The following TRAPPC10 variants were observed in gnomAD, a reference collection of about 807,000 sequenced individuals.
TRAPPC10 encodes the protein TRAPP 130 kDa subunit.
A neutral mutation model predicts 125.5 loss-of-function variants in TRAPPC10; 23 were observed. The observed-to-expected ratio is 0.18, with a 90% CI of 0.13 to 0.26. TRAPPC10 has a LOEUF of 0.26. Among genes scored for constraint, TRAPPC10 ranks in the 10% least tolerant of loss-of-function variants. TRAPPC10 has a pLI of 1.00. For synonymous variants in TRAPPC10, 509 were observed against 518.0 expected (o/e 0.98, Z 0.24); for missense variants, 1,123 against 1,308.4 (o/e 0.86, Z 2.19).
chr21:44,045,195 A>G (rs1363864804), intron 3 of TRAPPC10, among the ~76,000 whole-genome samples: 1 of 152,024 alleles, frequency 6.6e-6, no homozygotes, highest in Admixed American at 6.6e-5. Flanking sequence ...TGCCTCCCAA[A>G]GTGCTTGGAT....
intron 3 of TRAPPC10, chr21:44,046,820 T>C (rs2034853771): frequency 1.6e-6 from 1 of 614,606 alleles, no homozygotes; most frequent in Admixed American, 2.3e-5. Flanking sequence ...CTTTAAGTCT[T>C]TTGATGCATT....
At position 44,091,928 on chromosome 21, in the gene TRAPPC10, A is replaced by G. The variant is rs1219205204; in HGVS notation, c.2876A>G (p.Tyr959Cys). 1.2e-6 allele frequency: 2 copies of G among 1,613,760 alleles called. No individual in the cohort carries two copies. The highest frequency in any genetic ancestry group is 1.7e-6 in the Non-Finnish European group (2 of 1,179,886). ...TTTTTGTTTTTCCACTTTAGGAAATATGTTCAAGTTTGTGTCCAGAATTTG... is the reference window on the plus strand; with the variant it reads ...TTTTTGTTTTTCCACTTTAGGAAATGTGTTCAAGTTTGTGTCCAGAATTTG... The part of the protein sequence containing the change: ...HSLLSSGTRK[Y>C]VQVCVQNLSE... Residue 959 changes from tyrosine (Y) to cysteine (C), a missense_variant, in exon 19 of 23, where the codon TAT becomes TGT. This residue lies in a region of TRAPPC10 where 840 missense variants were observed against 902.0 expected (regional missense o/e 0.93). Coordinates refer to ENST00000291574, the MANE Select transcript of TRAPPC10 (RefSeq NM_003274.5).
intron 17 of TRAPPC10, 151 bp from the exon 18 acceptor site, chr21:44,089,682 A>G: frequency 1.5e-6 from 1 of 659,838 alleles, no homozygotes; most frequent in South Asian, 1.6e-5. Context: ...TGTGTTGGGT[A>G]AGGCTTTGCT....
chr21:44,046,499 C>T (rs1390838970), intron 3 of TRAPPC10: 1 of 219,868 alleles, frequency 4.5e-6, no homozygotes. Context: ...ACACGCTTTA[C>T]CTTTAAGTTT....
Position 44,032,128 on chromosome 21 carries a change from A to G in TRAPPC10, c.105A>G (p.Pro35=), listed in dbSNP as rs1291969481. The change falls in exon 2 of 23, where the codon CCA becomes CCG. Residue 35 remains proline, a synonymous_variant. Coordinates refer to ENST00000291574, the MANE Select transcript of TRAPPC10 (RefSeq NM_003274.5). ...GDQNLFTSVY[P]TLSQQLPREP... ...AGAATTTATTTACCTCTGTTTATCC[A>G]ACGCTCTCTCAGCAGCTTCCAAGAG... 5.0e-6 allele frequency: 8 copies of G among 1,613,910 alleles called. No homozygotes were observed. The highest frequency in any genetic ancestry group is 3.3e-5 in the Admixed American group (2 of 59,978).
At chr21:44,064,242 C>A (rs528046479) in intron 7 of TRAPPC10, among the ~76,000 whole-genome samples, 2 of 152,184 alleles carry the variant, frequency 1.3e-5, no homozygotes, top group African/African-American at 4.8e-5. Context: ...GTGAGTGACA[C>A]ACAGCAGGCT....
At chr21:44,056,496 G>A (rs1192789360) in intron 5 of TRAPPC10, among the ~76,000 whole-genome samples, 1 of 152,182 alleles carries the variant, frequency 6.6e-6, no homozygotes, top group Non-Finnish European at 1.5e-5. Context: ...CATACCACCT[G>A]AATGAAATGA....
At chr21:44,064,696 CT>C (rs1197957887) in intron 7 of TRAPPC10, among the ~76,000 whole-genome samples, 1 of 152,028 alleles carries the variant, frequency 6.6e-6, no homozygotes, top group African/African-American at 2.4e-5. Flanking sequence ...AATATAGGAA[CT>C]TATTTTTGTG....
chr21:44,079,399 T>C, intron 11 of TRAPPC10, 165 bp from the exon 12 acceptor site: 1 of 652,742 alleles, frequency 1.5e-6, no homozygotes, highest in Non-Finnish European at 2.5e-6. Flanking sequence ...CCTGAGTAGG[T>C]ACTCTTTCTC....
chr21:44,092,176 T>C (rs2038630662), intron 19 of TRAPPC10, 127 bp downstream of exon 19: 5 of 1,223,574 alleles, frequency 4.1e-6, no homozygotes, highest in Non-Finnish European at 5.6e-6. Context: ...TAAAGGCTCC[T>C]GTGCAGCTCC....
At chr21:44,085,272 A>G (rs1374062489) in intron 15 of TRAPPC10, among the ~76,000 whole-genome samples, 1 of 152,058 alleles carries the variant, frequency 6.6e-6, no homozygotes, top group Non-Finnish European at 1.5e-5. Flanking sequence ...TTTGGGAGCT[A>G]GTATGCCTGG....
intron 1 of TRAPPC10, among the ~76,000 whole-genome samples, chr21:44,028,804 C>T (rs1044900259): frequency 1.3e-5 from 2 of 152,174 alleles, no homozygotes; most frequent in Non-Finnish European, 2.9e-5. Context: ...AGTGTGGGCA[C>T]ATCAGTCTCA....
chr21:44,012,749 G>C (rs1218505576), intron 1 of TRAPPC10, among the ~76,000 whole-genome samples, 189 bp downstream of exon 1: 1 of 152,012 alleles, frequency 6.6e-6, no homozygotes, highest in East Asian at 1.9e-4. Context: ...TGACCTTCCC[G>C]CCGGGCGACC....
chr21:44,080,338 G>A (rs1208256250), intron 13 of TRAPPC10, among the ~76,000 whole-genome samples: 3 of 151,998 alleles, frequency 2.0e-5, no homozygotes, highest in Non-Finnish European at 2.9e-5. Flanking sequence ...AATAAGGACA[G>A]TCTCTTAACC....
At chr21:44,022,754 CTCTG>C (rs932073679) in intron 1 of TRAPPC10, among the ~76,000 whole-genome samples, 1 of 151,738 alleles carries the variant, frequency 6.6e-6, no homozygotes, top group African/African-American at 2.4e-5. Flanking sequence ...TTCATGTTCC[CTCTG>C]TCTCTTTTTT....
chr21:44,045,499 T>C (rs965602884), intron 3 of TRAPPC10, among the ~76,000 whole-genome samples: 4 of 152,178 alleles, frequency 2.6e-5, no homozygotes, highest in African/African-American at 9.6e-5. Flanking sequence ...TTCATTATTA[T>C]TTTTGTTATT....
intron 3 of TRAPPC10, among the ~76,000 whole-genome samples, chr21:44,041,270 C>G (rs1299548940): frequency 6.6e-6 from 1 of 152,018 alleles, no homozygotes; most frequent in East Asian, 1.9e-4. Context: ...GAAAATTGGT[C>G]TGTTTTCAGC....
intron 1 of TRAPPC10, 70 bp downstream of exon 1, chr21:44,012,630 G>A: frequency 7.2e-7 from 1 of 1,389,000 alleles, no homozygotes; most frequent in Non-Finnish European, 9.8e-7. Flanking sequence ...TATGCACCCG[G>A]CGCCCCCAGA....
At chr21:44,021,480 G>C (rs1334579423) in intron 1 of TRAPPC10, among the ~76,000 whole-genome samples, 1 of 152,162 alleles carries the variant, frequency 6.6e-6, no homozygotes, top group African/African-American at 2.4e-5. Context: ...ATGTATCAAA[G>C]TAGACAGAAT....
Sources: gnomAD v4.1 joint callset for allele counts (sites outside exome capture counted in the v4.1 genomes callset) on GRCh38, gnomAD v4.1.1 for gene constraint, gnomAD v4.1.1 regional missense constraint, MANE v1.5 for transcripts, NCBI Gene and HGNC (gene_info 2026-07-23, HGNC 2026-07-21) for gene names.